The following PCDHGA4 variants were observed in gnomAD, a reference collection of about 807,000 sequenced individuals.
PCDHGA4 encodes the protein protocadherin gamma subfamily A, 4.
Under a neutral mutation model 54.6 loss-of-function variants are expected in PCDHGA4, and 38 were observed. That is an observed-to-expected ratio of 0.70 (90% CI 0.54 to 0.91). PCDHGA4 has a LOEUF of 0.91. PCDHGA4 is among the 40% of genes least tolerant of loss of function. The pLI, the probability that PCDHGA4 is intolerant of heterozygous loss-of-function variation, is 0.00. For synonymous variants in PCDHGA4, 511 were observed against 512.9 expected (o/e 1.00, Z 0.05); for missense variants, 1,298 against 1,220.9 (o/e 1.06, Z -0.94).
chr5:141,460,097 G>A (rs2098982102), intron 1 of PCDHGA4, among the ~76,000 whole-genome samples: 2 of 151,812 alleles, frequency 1.3e-5, no homozygotes, highest in African/African-American at 2.4e-5. Context: ...AATTATACAT[G>A]TAATTATATA....
chr5:141,470,969 A>T (rs62379203), intron 1 of PCDHGA4, among the ~76,000 whole-genome samples: 1 of 151,298 alleles, frequency 6.6e-6, no homozygotes, highest in Non-Finnish European at 1.5e-5. Flanking sequence ...CTCCCACCTC[A>T]GCCTCCCAAA....
chr5:141,433,223 T>C lies in PCDHGA4; in HGVS notation c.2515-61584T>C, dbSNP rs2097577369. On this transcript the variant is annotated intron_variant, in intron 1 of 3. Coordinates refer to ENST00000571252, the MANE Select transcript of PCDHGA4 (RefSeq NM_018917.4). The stretch of plus-strand genomic sequence containing the variant: ...AATCTTCTTTCTTTTTTTTTTTTAA[T>C]TGCTCTGTCTCCCAAGCTGGAATGC... The C allele has an allele frequency of 4.6e-6, 7 of 1,525,952 alleles. No individual in the cohort carries two copies. In the East Asian group the frequency reaches 1.6e-4, roughly 34 times the overall value. The allele number at this position is 1,525,952 out of a possible 1,614,324, so 94.5% of individuals were successfully genotyped here. A position where few individuals can be genotyped will look rare whatever the true frequency, so the allele number is the denominator to read the frequency against.
At position 141,489,157 on chromosome 5, in the gene PCDHGA4, C is replaced by A. The variant is rs1222682069; in HGVS notation, c.2515-5650C>A. 1.0e-6 allele frequency: 1 copy of A among 984,444 alleles called. No homozygotes were observed. The highest frequency in any genetic ancestry group is 1.6e-5 in the African/African-American group (1 of 61,296). The allele number at this position is 984,444 out of a possible 1,614,324, so 61.0% of individuals were successfully genotyped here. On this transcript the variant is annotated intron_variant, in intron 1 of 3. Coordinates refer to ENST00000571252, the MANE Select transcript of PCDHGA4 (RefSeq NM_018917.4). This position sits in a 1 kb window ranked among gnomAD's most constrained non-coding sequence, Gnocchi z 4.5. ...AGAGGCTGGAAGGAGACATAAGAGA[C>A]TTCAGCTGCTGCATTCCAAGCCCTG...
In PCDHGA4 at chr5:141,476,691, A is replaced by G; in HGVS notation, c.2515-18116A>G. 6.2e-7 allele frequency: 1 copy of G among 1,614,224 alleles called. No individual in the cohort carries two copies. Among genetic ancestry groups the G allele is most frequent in the Non-Finnish European group, 8.5e-7 (1 of 1,180,050 alleles). The stretch of plus-strand genomic sequence containing the variant: ...GTGCAGACGCGGGAGGACAGCACCA[A>G]GTACGCGGAGCTGGTGTTGGAGCGC... On this transcript the variant is annotated intron_variant, in intron 1 of 3. Transcript: ENST00000571252. This position sits in a 1 kb window ranked among gnomAD's most constrained non-coding sequence, Gnocchi z 7.6.
At chr5:141,399,592 G>A (rs1385029299) in intron 1 of PCDHGA4, 4 of 1,613,880 alleles carry the variant, frequency 2.5e-6, no homozygotes, top group Non-Finnish European at 3.4e-6. Flanking sequence ...CTCTATCATG[G>A]CCAGCGACCT....
chr5:141,461,323 T>C (rs2099013372), intron 1 of PCDHGA4, among the ~76,000 whole-genome samples: 1 of 152,176 alleles, frequency 6.6e-6, no homozygotes, highest in African/African-American at 2.4e-5. Context: ...TTTTTAATAA[T>C]GGCCATTCTT....
chr5:141,426,879 G>T, intron 1 of PCDHGA4: 1 of 456,710 alleles, frequency 2.2e-6, no homozygotes. Flanking sequence ...GAAGCCCCTG[G>T]GCCAGGAGCA....
chr5:141,382,921 G>C (rs774998092), intron 1 of PCDHGA4: 4 of 1,560,206 alleles, frequency 2.6e-6, no homozygotes, highest in East Asian at 2.3e-5. Context: ...GCCGAGGGGC[G>C]GGGACTACAG....
intron 1 of PCDHGA4, chr5:141,383,450 G>T: frequency 6.2e-7 from 1 of 1,613,960 alleles, no homozygotes; most frequent in South Asian, 1.1e-5. Flanking sequence ...GCTGTGCAAA[G>T]TGGAGACGAT....
At chr5:141,399,977 T>C (rs1166854292) in intron 1 of PCDHGA4, 1 of 1,612,262 alleles carries the variant, frequency 6.2e-7, no homozygotes, top group African/African-American at 1.3e-5. Flanking sequence ...AGCCTGGGGC[T>C]GCGCACAGGA....
At chr5:141,398,223 G>C (rs995722310) in intron 1 of PCDHGA4, 1 of 1,482,728 alleles carries the variant, frequency 6.7e-7, no homozygotes, top group South Asian at 1.3e-5. Context: ...TCTGTGAGCA[G>C]ATCCGCTACA....
chr5:141,357,201 C>A lies in PCDHGA4; in HGVS notation c.2094C>A (p.Ser698Arg). The change falls in exon 1 of 4, where the codon AGC (serine) becomes AGA (arginine). Residue 698 changes from serine to arginine, a missense_variant. Ser to Arg is a moderately radical substitution (Grantham distance 110, BLOSUM62 -1). Transcript: ENST00000571252. ...CACTCACTGTGGCTGTGGCCGACAG[C>A]ATCCCAGATGTCCTGGCTGACTTGG... ...TVTLTVAVADSIPDVLADLGS... is the reference protein window; with the variant it reads ...TVTLTVAVADRIPDVLADLGS... The A allele has an allele frequency of 6.2e-7, 1 of 1,613,844 alleles. No individual in the cohort carries two copies. Among genetic ancestry groups the A allele is most frequent in the Non-Finnish European group, 8.5e-7 (1 of 1,179,888 alleles).
chr5:141,379,662 C>T (rs995589385), intron 1 of PCDHGA4: 1 of 152,126 alleles, frequency 6.6e-6, no homozygotes, highest in Non-Finnish European at 1.5e-5. Flanking sequence ...TCTACTCTCA[C>T]AAAAGTCATT....
intron 1 of PCDHGA4, among the ~76,000 whole-genome samples, chr5:141,474,726 A>G (rs549082085): frequency 6.6e-6 from 1 of 152,358 alleles, no homozygotes; most frequent in South Asian, 2.1e-4. Flanking sequence ...AAAGGACTCT[A>G]TGCAATCAAA....
At chr5:141,389,337 G>T (rs756804360) in intron 1 of PCDHGA4, 7 of 1,614,014 alleles carry the variant, frequency 4.3e-6, no homozygotes, top group Non-Finnish European at 5.9e-6. Flanking sequence ...CAACGGCCAA[G>T]TCTCTTACTG....
At position 141,356,834 on chromosome 5, in the gene PCDHGA4, A is replaced by ATG; in HGVS notation, c.1731_1732dup (p.Ser578CysfsTer3). 1.2e-6 allele frequency: 2 copies of ATG among 1,614,166 alleles called. No homozygotes were observed. The highest frequency in any genetic ancestry group is 1.7e-6 in the Non-Finnish European group (2 of 1,180,004). On this transcript the variant is annotated frameshift_variant, in exon 1 of 4. Coordinates refer to ENST00000571252, the MANE Select transcript of PCDHGA4 (RefSeq NM_018917.4). LOFTEE classifies it high-confidence loss of function. ...AGTGGAGACCCTCCACTCAGCAGCA[A>ATG]TGTGTCACTGAGCCTCTTTGTGCTG... is the stretch of plus-strand genomic sequence containing the variant.
In PCDHGA4 at chr5:141,383,840, T is replaced by C. The variant is rs190731749; in HGVS notation, c.2514+26219T>C. 1.9e-6 allele frequency: 3 copies of C among 1,613,952 alleles called. No homozygotes were observed. In the East Asian group the frequency reaches 6.7e-5, roughly 36 times the overall value. Reference sequence around the variant, plus strand: ...GGATTAGATTATGAAGAAACTGCCTTCTATGAAATGGAGGTTCAGGCTCAA... The same window carrying C: ...GGATTAGATTATGAAGAAACTGCCTCCTATGAAATGGAGGTTCAGGCTCAA... On this transcript the variant is annotated intron_variant, in intron 1 of 3. Transcript: ENST00000571252.
intron 1 of PCDHGA4, among the ~76,000 whole-genome samples, chr5:141,369,682 A>G (rs979966381): frequency 2.0e-5 from 3 of 152,250 alleles, no homozygotes; most frequent in African/African-American, 7.2e-5. Flanking sequence ...AGTGAAACAT[A>G]GAATAAAACT....
intron 1 of PCDHGA4, chr5:141,362,415 A>T: frequency 6.2e-7 from 1 of 1,614,024 alleles, no homozygotes; most frequent in Non-Finnish European, 8.5e-7. Context: ...CCTCACAATC[A>T]GCCAAGACAG....
Sources: gnomAD v4.1 joint callset for allele counts (sites outside exome capture counted in the v4.1 genomes callset) on GRCh38, gnomAD v4.1.1 for gene constraint, Gnocchi (gnomAD v3.1) non-coding constraint, MANE v1.5 for transcripts, NCBI Gene and HGNC (gene_info 2026-07-23, HGNC 2026-07-21) for gene names.